The following KCTD1 variants were observed in gnomAD, a reference collection of about 807,000 sequenced individuals.
KCTD1 encodes BTB/POZ domain-containing protein KCTD1.
A neutral mutation model predicts 66.0 loss-of-function variants in KCTD1; 24 were observed. The ratio of observed to expected loss-of-function variants is 0.36; its 90% CI spans 0.26 to 0.51. The LOEUF (loss-of-function observed/expected upper bound fraction) is 0.51. KCTD1 is among the 20% of genes least tolerant of loss of function. The probability of loss-of-function intolerance (pLI) is 0.95; values close to 1 mark genes in which losing one functional copy is unlikely to be tolerated. For synonymous variants in KCTD1, 511 were observed against 517.2 expected (o/e 0.99, Z 0.16); for missense variants, 943 against 1,205.2 (o/e 0.78, Z 3.22).
rs147099830 is a variant in KCTD1 at position 26,612,738 on chromosome 18, C to T, written c.-16+16409G>A. Among the ~76,000 whole-genome samples, 719 of 152,326 alleles carry T rather than the reference C, an allele frequency of 4.7e-3. 4 individuals carry two copies. Among genetic ancestry groups the T allele is most frequent in the African/African-American group, 0.016 (669 of 41,572 alleles). ...TGTGTGGTACTTTGTTACAGCAGCTCTGGCAAACTTAACACATCTTCCTTG... is the reference window on the plus strand; with the variant it reads ...TGTGTGGTACTTTGTTACAGCAGCTTTGGCAAACTTAACACATCTTCCTTG... On this transcript the variant is annotated intron_variant, in intron 1 of 4. Coordinates refer to the KCTD1 transcript ENST00000317932.
rs1218063034 is a variant in KCTD1, at chr18:26,629,108, AC to A, written c.-16+38del. 5.4e-6 allele frequency: 5 copies of A among 931,524 alleles called. No individual in the cohort carries two copies. In the Admixed American group the frequency reaches 3.1e-4, roughly 57 times the overall value. 57.7% of individuals were successfully genotyped at this position (931,524 alleles called of 1,614,324 possible). On this transcript the variant is annotated intron_variant, in intron 1 of 4. Transcript: ENST00000317932. ...CTTTGCAGATGGCAACAAATCTACA[AC>A]AAATTATGAGGGAGGAAGTGTGGAA...
At chr18:26,605,727 TC>T in intron 1 of KCTD1, among the ~76,000 whole-genome samples, 3 of 76,508 alleles carry the variant, frequency 3.9e-5, no homozygotes, top group Admixed American at 1.4e-4. Flanking sequence ...TATCTCTATA[TC>T]TATCTATCTA....
intron 3 of KCTD1, among the ~76,000 whole-genome samples, chr18:26,464,719 C>T (rs1056338763): frequency 1.3e-5 from 2 of 152,198 alleles, no homozygotes; most frequent in Non-Finnish European, 2.9e-5. Context: ...GGAATGTCTC[C>T]AATACCTCCC....
chr18:26,615,361 T>C (rs1320740890), intron 1 of KCTD1, among the ~76,000 whole-genome samples: 1 of 152,190 alleles, frequency 6.6e-6, no homozygotes, highest in Admixed American at 6.5e-5. Flanking sequence ...AAAAACAGCA[T>C]CAATGAGGAT....
At chr18:26,643,999 A>T (rs1345225589), upstream of KCTD1, among the ~76,000 whole-genome samples, 1 of 151,852 alleles carries the variant, frequency 6.6e-6, no homozygotes, top group Non-Finnish European at 1.5e-5. Flanking sequence ...AGCTAACATG[A>T]CTGCCACCCA....
At chr18:26,558,352 G>T (rs1177403032) in intron 1 of KCTD1, among the ~76,000 whole-genome samples, 2 of 152,140 alleles carry the variant, frequency 1.3e-5, no homozygotes. Context: ...GTATGCTGTT[G>T]GTGGGAATGT....
intron 1 of KCTD1, among the ~76,000 whole-genome samples, chr18:26,539,195 T>A (rs1984856362): frequency 6.6e-6 from 1 of 152,230 alleles, no homozygotes; most frequent in African/African-American, 2.4e-5. Context: ...CCCAGCATAG[T>A]TACTTACCAG....
At chr18:26,608,005 A>G (rs1408925806) in intron 1 of KCTD1, among the ~76,000 whole-genome samples, 1 of 152,142 alleles carries the variant, frequency 6.6e-6, no homozygotes, top group East Asian at 1.9e-4. Context: ...TCCTGACCTC[A>G]AGCAATCTTC....
At chr18:26,549,054 G>A (rs1302025177), upstream of KCTD1, 1 of 985,070 alleles carries the variant, frequency 1.0e-6, no homozygotes, top group African/African-American at 1.8e-5. Context: ...TGCGCCGGGC[G>A]GGCCGCGGGT....
intron 1 of KCTD1, among the ~76,000 whole-genome samples, chr18:26,512,208 A>G (rs1311381306): frequency 6.6e-6 from 1 of 151,878 alleles, no homozygotes; most frequent in Non-Finnish European, 1.5e-5. Context: ...GGTTCAAGCA[A>G]TTCTCTTGCC....
intron 1 of KCTD1, among the ~76,000 whole-genome samples, chr18:26,583,164 C>T (rs926868360): frequency 1.3e-5 from 2 of 151,750 alleles, no homozygotes; most frequent in Non-Finnish European, 1.5e-5. Context: ...GAGGCCAAAG[C>T]AGGTGGATCA....
At chr18:26,534,873 T>C (rs1329833850) in intron 1 of KCTD1, among the ~76,000 whole-genome samples, 1 of 152,192 alleles carries the variant, frequency 6.6e-6, no homozygotes, top group Non-Finnish European at 1.5e-5. Context: ...CTATACTTTT[T>C]TCTACTGTCT....
intron 3 of KCTD1, among the ~76,000 whole-genome samples, chr18:26,463,959 A>G (rs1178633798): frequency 1.3e-5 from 2 of 152,220 alleles, no homozygotes; most frequent in Admixed American, 6.5e-5. Context: ...GGACAAGAAA[A>G]CAGACATGGG....
chr18:26,526,320 A>G (rs1472144727), intron 1 of KCTD1, among the ~76,000 whole-genome samples: 22 of 152,222 alleles, frequency 1.4e-4, no homozygotes, highest in Admixed American at 1.4e-3. Context: ...CAAGGAATTC[A>G]TGAAATTCAA....
chr18:26,650,903 C>A (rs1377277701), intron 1 of KCTD1, among the ~76,000 whole-genome samples: 1 of 152,252 alleles, frequency 6.6e-6, no homozygotes, highest in African/African-American at 2.4e-5. Context: ...ACATTCTCTT[C>A]AGTTCATAAC....
intron 1 of KCTD1, among the ~76,000 whole-genome samples, chr18:26,537,000 A>T (rs1984741479): frequency 6.6e-6 from 1 of 152,138 alleles, no homozygotes; most frequent in Non-Finnish European, 1.5e-5. Flanking sequence ...CCTGAAAAAA[A>T]TAGTAAAATC....
intron 1 of KCTD1, among the ~76,000 whole-genome samples, chr18:26,532,410 T>C (rs559823036): frequency 1.3e-5 from 2 of 151,744 alleles, no homozygotes; most frequent in African/African-American, 4.8e-5. Flanking sequence ...AGTACAGACA[T>C]GCACTCCCAC....
chr18:26,578,873 A>G (rs1252289401), intron 1 of KCTD1, among the ~76,000 whole-genome samples: 2 of 152,192 alleles, frequency 1.3e-5, no homozygotes, highest in Non-Finnish European at 2.9e-5. Context: ...AATTCTTAGT[A>G]CTGGGGAGCA....
chr18:26,550,222 AG>A (rs1460018828), upstream of KCTD1, among the ~76,000 whole-genome samples: 1 of 152,210 alleles, frequency 6.6e-6, no homozygotes, highest in Non-Finnish European at 1.5e-5. The surrounding 1 kb of genome is among the most constrained non-coding windows in gnomAD (Gnocchi z 5.4). Context: ...AATTCTCGGC[AG>A]TTAGGCTGTG....
Sources: gnomAD v4.1 joint callset for allele counts (sites outside exome capture counted in the v4.1 genomes callset) on GRCh38, gnomAD v4.1.1 for gene constraint, Gnocchi (gnomAD v3.1) non-coding constraint, MANE v1.5 for transcripts, NCBI Gene and HGNC (gene_info 2026-07-23, HGNC 2026-07-21) for gene names.